Variants in MAN1A1 observed in about 807,000 individuals in gnomAD.
MAN1A1 encodes the protein mannosyl-oligosaccharide 1,2-alpha-mannosidase IA.
MAN1A1 carries 29 observed loss-of-function variants against 70.8 expected under a neutral mutation model. The ratio of observed to expected loss-of-function variants is 0.41; its 90% confidence interval spans 0.31 to 0.56. MAN1A1 has a LOEUF of 0.56. MAN1A1 is among the 20% of genes least tolerant of loss of function. MAN1A1 has a pLI of 0.29. For missense variants in MAN1A1, 747 were observed against 841.3 expected (o/e 0.89, Z 1.39); for synonymous variants, 349 against 330.1 (o/e 1.06, Z -0.62).
At chr6:119,332,853 T>A (rs974629999) in intron 2 of MAN1A1, among the ~76,000 whole-genome samples, 7 of 134,150 alleles carry the variant, frequency 5.2e-5, no homozygotes, top group Middle Eastern at 3.5e-3. Flanking sequence ...AAAATTCTTT[T>A]TAAAAGAGAA....
At chr6:119,330,737 G>T (rs1773286840) in intron 2 of MAN1A1, among the ~76,000 whole-genome samples, 1 of 152,056 alleles carries the variant, frequency 6.6e-6, no homozygotes, top group Admixed American at 6.5e-5. Context: ...CTGCCCTGGG[G>T]ACCTTCATAC....
At chr6:119,260,952 A>G (rs1198759869) in intron 5 of MAN1A1, among the ~76,000 whole-genome samples, 1 of 143,918 alleles carries the variant, frequency 6.9e-6, no homozygotes, top group Non-Finnish European at 1.5e-5. Context: ...CTCATGCACT[A>G]TCTAAATGTC....
intron 8 of MAN1A1, among the ~76,000 whole-genome samples, chr6:119,194,860 G>A (rs993429379): frequency 6.7e-6 from 1 of 149,858 alleles, no homozygotes; most frequent in Non-Finnish European, 1.5e-5. Context: ...TTGAGACGGA[G>A]TCTTGCTCTG....
chr6:119,297,790 A>G (rs1582780856), intron 4 of MAN1A1, among the ~76,000 whole-genome samples: 4 of 42,478 alleles, frequency 9.4e-5, no homozygotes, highest in African/African-American at 2.0e-4. Context: ...CCCAGGCTGG[A>G]GTTTTTTTGT....
intron 6 of MAN1A1, among the ~76,000 whole-genome samples, chr6:119,247,518 G>A (rs1775199152): frequency 6.6e-6 from 1 of 152,110 alleles, no homozygotes; most frequent in Non-Finnish European, 1.5e-5. Flanking sequence ...ATAACTTATG[G>A]GCAGGAAGGC....
chr6:119,289,529 C>T (rs555919725), intron 5 of MAN1A1, among the ~76,000 whole-genome samples: 34 of 144,910 alleles, frequency 2.3e-4, no homozygotes, highest in Admixed American at 8.7e-4. Context: ...AGTGGAAAAA[C>T]AGAAAAAAGG....
Position 119,348,492 on chromosome 6 carries a change from T to G in MAN1A1, c.574A>C (p.Ile192Leu), listed in dbSNP as rs778359827. 1.2e-6 allele frequency: 2 copies of G among 1,608,994 alleles called. No individual in the cohort carries two copies. Among genetic ancestry groups the G allele is most frequent in the East Asian group, 4.5e-5 (2 of 44,444 alleles). Residue 192 changes from isoleucine (I) to leucine (L), a missense_variant, in exon 2 of 13, where the codon ATC (isoleucine) becomes CTC (leucine). Transcript: ENST00000368468. Reference sequence around the variant, plus strand: ...TTGATCTTTGCCCTTTTCTCGCGGATGGCGGCGTCGGCGGGCTCCCGGCTC... The same window carrying G: ...TTGATCTTTGCCCTTTTCTCGCGGAGGGCGGCGTCGGCGGGCTCCCGGCTC... ...VESREPADAA[I>L]REKRAKIKEM... is the part of the protein sequence containing the mutation.
At chr6:119,256,680 G>C (rs1775468958) in intron 5 of MAN1A1, among the ~76,000 whole-genome samples, 1 of 152,092 alleles carries the variant, frequency 6.6e-6, no homozygotes, top group Admixed American at 6.5e-5. Context: ...CTAGGTTCTG[G>C]TTCAGGGCTT....
intron 9 of MAN1A1, 82 bp downstream of exon 9, chr6:119,193,695 A>G: frequency 1.2e-5 from 10 of 848,146 alleles, no homozygotes; most frequent in Non-Finnish European, 1.9e-5. Flanking sequence ...CATGTAGTAT[A>G]CCACTTATTC....
intron 4 of MAN1A1, among the ~76,000 whole-genome samples, chr6:119,300,847 T>A (rs1772372305): frequency 6.6e-6 from 1 of 152,224 alleles, no homozygotes; most frequent in African/African-American, 2.4e-5. Flanking sequence ...TGCCTGTCTT[T>A]TAGGTCTCCC....
rs3798626 is a variant in MAN1A1, at chr6:119,307,746, G to A, written c.604-754C>T. Among the ~76,000 whole-genome samples, 897 of 152,176 alleles carry A rather than the reference G, an allele frequency of 5.9e-3. 30 individuals are homozygous for A. In the East Asian group the frequency reaches 0.09, roughly 15 times the overall value. On this transcript the variant is annotated intron_variant, in intron 2 of 12. Transcript: ENST00000368468. Reference sequence around the variant, plus strand: ...AGAACACATATAATTATTTTTGTATGCATATTTTTTAAAAGGATTGGGACT... The same window carrying A: ...AGAACACATATAATTATTTTTGTATACATATTTTTTAAAAGGATTGGGACT...
chr6:119,276,259 T>A (rs1387481398), intron 5 of MAN1A1, among the ~76,000 whole-genome samples: 1 of 152,220 alleles, frequency 6.6e-6, no homozygotes, highest in Non-Finnish European at 1.5e-5. Flanking sequence ...TATATTGTAT[T>A]TTCTTCAGAG....
intron 5 of MAN1A1, among the ~76,000 whole-genome samples, chr6:119,258,187 T>C (rs1775510724): frequency 6.6e-6 from 1 of 152,172 alleles, no homozygotes; most frequent in Non-Finnish European, 1.5e-5. Flanking sequence ...TATTTACTAC[T>C]GCTTTCAGAC....
At chr6:119,227,030 A>C (rs1398710037) in intron 6 of MAN1A1, among the ~76,000 whole-genome samples, 1 of 152,168 alleles carries the variant, frequency 6.6e-6, no homozygotes, top group East Asian at 1.9e-4. Context: ...AGATAACACA[A>C]ACATCCATAA....
chr6:119,297,735 C>CCT (rs1772255970), intron 4 of MAN1A1, among the ~76,000 whole-genome samples: 2 of 95,688 alleles, frequency 2.1e-5, no homozygotes, highest in African/African-American at 8.1e-5. Flanking sequence ...AAATAGTTTC[C>CCT]TTTTTTTTTT....
intron 8 of MAN1A1, among the ~76,000 whole-genome samples, chr6:119,196,216 T>C (rs752200825): frequency 7.9e-4 from 121 of 152,220 alleles, no homozygotes; most frequent in Middle Eastern, 3.4e-3. Flanking sequence ...AGCTGGGGAT[T>C]TTTTTTAAAA....
At chr6:119,284,522 G>T (rs138345989) in intron 5 of MAN1A1, among the ~76,000 whole-genome samples, 1 of 152,140 alleles carries the variant, frequency 6.6e-6, no homozygotes, top group East Asian at 1.9e-4. Context: ...CTTTCATTTT[G>T]CAATCTATTT....
At chr6:119,238,980 TC>T (rs1466176513) in intron 6 of MAN1A1, among the ~76,000 whole-genome samples, 1 of 152,022 alleles carries the variant, frequency 6.6e-6, no homozygotes, top group Non-Finnish European at 1.5e-5. Context: ...AAGTTCCGCC[TC>T]CCGGGTTCAT....
At chr6:119,240,228 A>T (rs1774964599) in intron 6 of MAN1A1, among the ~76,000 whole-genome samples, 1 of 152,190 alleles carries the variant, frequency 6.6e-6, no homozygotes, top group African/African-American at 2.4e-5. Context: ...TCTCGGGATA[A>T]ACTGCCTCTA....
Sources: gnomAD v4.1 joint callset for allele counts (sites outside exome capture counted in the v4.1 genomes callset) on GRCh38, gnomAD v4.1.1 for gene constraint, MANE v1.5 for transcripts, NCBI Gene and HGNC (gene_info 2026-07-23, HGNC 2026-07-21) for gene names.